The following FGB variants were observed in gnomAD, a reference collection of about 807,000 sequenced individuals.
The protein encoded by FGB is fibrinogen beta chain.
In FGB, 25 loss-of-function variants were observed where a neutral mutation model predicts 57.9. The ratio of observed to expected loss-of-function variants is 0.43; its 90% CI spans 0.31 to 0.60. The LOEUF (loss-of-function observed/expected upper bound fraction) is 0.60, where lower values mean the gene tolerates loss of function less well. Ranked by LOEUF, FGB falls within the 20% of genes least tolerant of loss-of-function variation. The probability of loss-of-function intolerance (pLI) is 0.08; values close to 1 mark genes in which losing one functional copy is unlikely to be tolerated. For synonymous variants in FGB, 203 were observed against 199.2 expected, an observed-to-expected ratio of 1.02 and a Z score of -0.16; for missense variants, 536 against 598.4, an observed-to-expected ratio of 0.90 and a Z score of 1.09.
chr4:154,568,800 C>CTTG (rs1407503055), intron 5 of FGB, among the ~76,000 whole-genome samples: 1 of 150,472 alleles, frequency 6.6e-6, no homozygotes, highest in Non-Finnish European at 1.5e-5. Context: ...AACCTGGAGT[C>CTTG]TTGATCATGC....
Position 154,566,474 on chromosome 4 carries a change from T to C in FGB, c.307-15T>C. The C allele has an allele frequency of 6.2e-7, 1 of 1,613,724 alleles. No individual in the cohort carries two copies. Among genetic ancestry groups the C allele is most frequent in the Non-Finnish European group, 8.5e-7 (1 of 1,179,668 alleles). ...AAATCCTTCATCTAATGCCTGCTAT[T>C]TTCTTTGTTTTTAGGGGGTGTTGTG... On this transcript the variant is annotated splice_polypyrimidine_tract_variant and intron_variant, in intron 2 of 7. Transcript: ENST00000302068.
At chr4:154,568,545 G>A (rs754685929) in intron 5 of FGB, 51 bp downstream of exon 5, 20 of 1,035,322 alleles carry the variant, frequency 1.9e-5, no homozygotes, top group African/African-American at 7.8e-5. Flanking sequence ...TTTGGATACC[G>A]TAAAATGCCA....
chr4:154,570,824 G>C lies in FGB; in HGVS notation c.*174G>C. 1.5e-6 allele frequency: 1 copy of C among 656,756 alleles called. No individual in the cohort carries two copies. The highest frequency in any genetic ancestry group is 2.8e-6 in the Non-Finnish European group (1 of 361,948). The allele number at this position is 656,756 out of a possible 1,614,324, so 40.7% of individuals were successfully genotyped here. On this transcript the variant is annotated 3_prime_UTR_variant, in exon 8 of 8. Coordinates refer to ENST00000302068, the MANE Select transcript of FGB (RefSeq NM_005141.5). ...TTAAAATAGCACATGATTTTCTTTTGTTTTCTTCATTTCTCTTGCTCACCA... is the reference window on the plus strand; with the variant it reads ...TTAAAATAGCACATGATTTTCTTTTCTTTTCTTCATTTCTCTTGCTCACCA...
chr4:154,566,754 G>C lies in FGB; in HGVS notation c.490+82G>C, dbSNP rs1730179018. On this transcript the variant is annotated intron_variant, in intron 3 of 7. Transcript: ENST00000302068. The stretch of plus-strand genomic sequence containing the variant: ...CTGCCACGAGAATGCATGGTTGTGA[G>C]AAGATTAACATTTCTGGGTTAGTGA... 5 of 1,338,968 alleles carry C rather than the reference G, an allele frequency of 3.7e-6. No individual in the cohort carries two copies. The African/African-American group carries it at 7.2e-5, about 19-fold the overall frequency. The allele number at this position is 1,338,968 out of a possible 1,614,324, so 82.9% of individuals were successfully genotyped here.
At chr4:154,567,855 CAGA>C (rs747894043) in intron 4 of FGB, 35 bp downstream of exon 4, 2 of 1,432,658 alleles carry the variant, frequency 1.4e-6, no homozygotes, top group Admixed American at 1.7e-5. Flanking sequence ...TAGAGAGTTC[CAGA>C]AGAACTCACA....
In FGB at chr4:154,571,053, GATTT is replaced by G; in HGVS notation, c.*407_*410del. 1 of 287,198 alleles carries G rather than the reference GATTT, an allele frequency of 3.5e-6. No homozygotes were observed. Among genetic ancestry groups the G allele is most frequent in the Non-Finnish European group, 6.7e-6 (1 of 149,448 alleles). 17.8% of individuals were successfully genotyped at this position (287,198 alleles called of 1,614,324 possible). A position where few individuals can be genotyped will look rare whatever the true frequency, so the allele number is the denominator to read the frequency against. ...ATCTGTCAAAGAAAACTTCCAAAAA[GATTT>G]ATTAATTAAACCAGACTCTGTTGCA... On this transcript the variant is annotated 3_prime_UTR_variant, in exon 8 of 8. Transcript: ENST00000302068.
At position 154,566,808 on chromosome 4, in the gene FGB, C is replaced by T. The variant is rs1012836408; in HGVS notation, c.490+136C>T. On this transcript the variant is annotated intron_variant, in intron 3 of 7. Coordinates refer to ENST00000302068, the MANE Select transcript of FGB (RefSeq NM_005141.5). ...GCATTCATACGCTTTTGGGCACCTT[C>T]CCCTGCAACTTGCCAGATAAGCACT... The T allele has an allele frequency of 1.1e-4, 88 of 791,756 alleles. No homozygotes were observed. In the Middle Eastern group the frequency reaches 1.9e-3, roughly 18 times the overall value. 49.0% of individuals were successfully genotyped at this position (791,756 alleles called of 1,614,324 possible).
chr4:154,566,506 A>C lies in FGB; in HGVS notation c.324A>C (p.Thr108=). The change falls in exon 3 of 8, where the codon ACA becomes ACC. Residue 108 remains threonine, a synonymous_variant. Coordinates refer to ENST00000302068, the MANE Select transcript of FGB (RefSeq NM_005141.5). ...ADPDLGVLCP[T]GCQLQEALLQ... is the part of the protein sequence containing the mutation. ...GTTTTTAGGGGGTGTTGTGTCCTAC[A>C]GGATGTCAGTTGCAAGAGGCTTTGC... The C allele has an allele frequency of 6.2e-7, 1 of 1,614,178 alleles. No homozygotes were observed. The highest frequency in any genetic ancestry group is 1.1e-5 in the South Asian group (1 of 91,092).
rs775243595 is a variant in FGB at position 154,567,773 on chromosome 4, G to A, written c.671G>A (p.Arg224His). ...SDVSAQMEYC[R>H]TPCTVSCNIP... ...GTCTCAGCTCAAATGGAATATTGTC[G>A]CACCCCATGCACTGTCAGTTGCAAT... Residue 224 changes from arginine to histidine, a missense_variant, in exon 4 of 8, where the codon CGC becomes CAC. By Grantham distance (29) the Arg-to-His change is conservative (BLOSUM62 0). This residue lies in a region of FGB where 354 missense variants were observed against 383.4 expected (regional missense o/e 0.92). Transcript: ENST00000302068. 13 of 1,613,938 alleles carry A rather than the reference G, an allele frequency of 8.1e-6. No homozygotes were observed. The highest frequency in any genetic ancestry group is 2.2e-5 in the East Asian group (1 of 44,880).
intron 7 of FGB, 79 bp from the exon 8 acceptor site, chr4:154,570,340 T>A: frequency 1.9e-6 from 2 of 1,041,166 alleles, no homozygotes; most frequent in Non-Finnish European, 3.0e-6. Flanking sequence ...AGTGTAGCAG[T>A]CTTTTATGGG....
rs778498115 is a variant in FGB, at chr4:154,569,275, A to G, written c.926A>G (p.Asn309Ser). ...CAGGGATTTGGAAATGTTGCAACCAACACAGATGGGAAGAATTACTGTGGC... is the reference window on the plus strand; with the variant it reads ...CAGGGATTTGGAAATGTTGCAACCAGCACAGATGGGAAGAATTACTGTGGC... Reference protein sequence around the residue: ...YKQGFGNVATNTDGKNYCGLP... With the variant: ...YKQGFGNVATSTDGKNYCGLP... The change falls in exon 6 of 8, where the codon AAC (asparagine) becomes AGC (serine). Residue 309 changes from asparagine to serine, a missense_variant. Around this residue, in one of 3 missense-constraint regions of FGB, gnomAD observed 354 missense variants for 383.4 expected, o/e 0.92. Coordinates refer to ENST00000302068, the MANE Select transcript of FGB (RefSeq NM_005141.5). 1.2e-6 allele frequency: 2 copies of G among 1,614,130 alleles called. No individual in the cohort carries two copies. Among genetic ancestry groups the G allele is most frequent in the South Asian group, 2.2e-5 (2 of 91,088 alleles).
chr4:154,563,244 A>G (rs1578780456), intron 1 of FGB, 112 bp downstream of exon 1: 2 of 577,410 alleles, frequency 3.5e-6, no homozygotes, highest in Non-Finnish European at 6.1e-6. Context: ...TAGTTATGAA[A>G]TGGAATTGTT....
intron 3 of FGB, 106 bp downstream of exon 3, chr4:154,566,778 G>A: frequency 1.8e-6 from 2 of 1,125,006 alleles, no homozygotes; most frequent in Admixed American, 1.7e-5. Flanking sequence ...CTGGGTTAGT[G>A]AATAGCATTC....
Position 154,565,971 on chromosome 4 carries a change from G to A in FGB, c.278G>A (p.Gly93Glu). The A allele has an allele frequency of 6.2e-7, 1 of 1,613,748 alleles. No individual in the cohort carries two copies. Among genetic ancestry groups the A allele is most frequent in the Non-Finnish European group, 8.5e-7 (1 of 1,180,000 alleles). Reference sequence around the variant, plus strand: ...GTAGAAAGAAAAGCCCCTGATGCTGGAGGCTGTCTTCACGCTGACCCAGAC... The same window carrying A: ...GTAGAAAGAAAAGCCCCTGATGCTGAAGGCTGTCTTCACGCTGACCCAGAC... ...KKVERKAPDAGGCLHADPDLG... is the reference protein window; with the variant it reads ...KKVERKAPDAEGCLHADPDLG... Residue 93 changes from glycine (G) to glutamate (E), a missense_variant, in exon 2 of 8, where the codon GGA becomes GAA. Physicochemically the swap from Gly to Glu is moderately conservative, Grantham distance 98 (BLOSUM62 -2). This residue lies in a region of FGB where 354 missense variants were observed against 383.4 expected (regional missense o/e 0.92). Transcript: ENST00000302068.
Position 154,564,413 on chromosome 4 carries a change from T to A in FGB, c.114+1281T>A, listed in dbSNP as rs141191571. On this transcript the variant is annotated intron_variant, in intron 1 of 7. Coordinates refer to ENST00000302068, the MANE Select transcript of FGB (RefSeq NM_005141.5). ...ATTTGTAATAAGCAGATGAATCACATTTCTTAAAATTTGTTTTAGAGAGGG... is the reference window on the plus strand; with the variant it reads ...ATTTGTAATAAGCAGATGAATCACAATTCTTAAAATTTGTTTTAGAGAGGG... Among the ~76,000 whole-genome samples, 357 of 152,244 alleles carry A rather than the reference T, an allele frequency of 2.3e-3. 4 individuals are homozygous for A. Among genetic ancestry groups the A allele is most frequent in the African/African-American group, 8.4e-3 (351 of 41,574 alleles).
At chr4:154,569,410 A>T (rs992408393) in intron 6 of FGB, 103 bp downstream of exon 6, 1 of 1,583,224 alleles carries the variant, frequency 6.3e-7, no homozygotes, top group African/African-American at 1.4e-5. Context: ...AGTTAAGAGG[A>T]GTTTCCTGAC....
chr4:154,566,259 G>T (rs1203988326), intron 2 of FGB, among the ~76,000 whole-genome samples: 1 of 152,070 alleles, frequency 6.6e-6, no homozygotes, highest in African/African-American at 2.4e-5. Context: ...CACTGCCTTT[G>T]TTTAGTTGGT....
At chr4:154,563,512 TAAAAG>T (rs1043426454) in intron 1 of FGB, among the ~76,000 whole-genome samples, 12 of 151,860 alleles carry the variant, frequency 7.9e-5, no homozygotes, top group Admixed American at 6.6e-4. Flanking sequence ...AATTTTAAGA[TAAAAG>T]AAACTGGTGG....
chr4:154,563,167 G>C, intron 1 of FGB, 35 bp downstream of exon 1: 8 of 840,190 alleles, frequency 9.5e-6, no homozygotes, highest in Non-Finnish European at 1.6e-5. Context: ...ATTATTAGTA[G>C]TATTATTAAT....
Sources: gnomAD v4.1 joint callset for allele counts (sites outside exome capture counted in the v4.1 genomes callset) on GRCh38, gnomAD v4.1.1 for gene constraint, gnomAD v4.1.1 regional missense constraint, MANE v1.5 for transcripts, NCBI Gene and HGNC (gene_info 2026-07-23, HGNC 2026-07-21) for gene names.